PPP1R12B: variants seen among roughly 807,000 people sequenced by gnomAD.
PPP1R12B encodes the protein myosin phosphatase target subunit 2.
A neutral mutation model predicts 126.1 loss-of-function variants in PPP1R12B; 76 were observed. That is an observed-to-expected ratio of 0.60 (90% CI 0.50 to 0.73). The LOEUF (loss-of-function observed/expected upper bound fraction) is 0.73. Ranked by LOEUF, PPP1R12B falls within the 30% of genes least tolerant of loss-of-function variation. PPP1R12B has a pLI of 0.00. For missense variants in PPP1R12B, 1,052 were observed against 1,205.1 expected, an observed-to-expected ratio of 0.87 and a Z score of 1.88; for synonymous variants, 356 against 434.7, an observed-to-expected ratio of 0.82 and a Z score of 2.25.
chr1:202,462,876 A>AGCTT (rs766013418), intron 13 of PPP1R12B: 262 of 985,348 alleles, frequency 2.7e-4, no homozygotes, highest in Non-Finnish European at 3.0e-4. Flanking sequence ...TGTCTGAGAT[A>AGCTT]GCTTGACCTG....
chr1:202,374,269 C>A (rs534227807), intron 1 of PPP1R12B, among the ~76,000 whole-genome samples: 3 of 152,052 alleles, frequency 2.0e-5, no homozygotes, highest in Non-Finnish European at 2.9e-5. Flanking sequence ...GTCATTATGC[C>A]AGAAACCTAG....
At position 202,587,819 on chromosome 1, in the gene PPP1R12B, G is replaced by C. The variant is rs1385244377; in HGVS notation, c.*7259G>C. The C allele has an allele frequency of 6.6e-6, 1 of 152,156 alleles. No homozygotes were observed. The highest frequency in any genetic ancestry group is 1.5e-5 in the Non-Finnish European group (1 of 68,048). 9.4% of individuals were successfully genotyped at this position (152,156 alleles called of 1,614,324 possible). On this transcript the variant is annotated 3_prime_UTR_variant, in exon 24 of 24. Transcript: ENST00000608999. ...CTACTGAAACCCGGAACAGATTCCC[G>C]CTTGCCTTCTGATGAAGAGAGGTTA...
chr1:202,440,144 T>C (rs1671420630), intron 10 of PPP1R12B, among the ~76,000 whole-genome samples: 1 of 152,178 alleles, frequency 6.6e-6, no homozygotes, highest in Non-Finnish European at 1.5e-5. Flanking sequence ...CTTCACTTTT[T>C]AGTTCCAGAT....
chr1:202,452,062 C>G (rs1673034756), intron 13 of PPP1R12B, among the ~76,000 whole-genome samples: 1 of 151,696 alleles, frequency 6.6e-6, no homozygotes, highest in Admixed American at 6.6e-5. Flanking sequence ...CCTCACATCC[C>G]AGACGGGGCG....
rs548955935 is a variant in PPP1R12B, at chr1:202,438,077, A to C, written c.1458+53A>C. ...TCCAAGGCAGTTTTTTTTTTCCATG[A>C]AAATTCAATCTTAGGAACAAATGAA... On this transcript the variant is annotated intron_variant, in intron 10 of 23. Coordinates refer to ENST00000608999, the MANE Select transcript of PPP1R12B (RefSeq NM_002481.4). 200 of 1,602,886 alleles carry C rather than the reference A, an allele frequency of 1.2e-4. No homozygotes were observed. In the African/African-American group the frequency reaches 1.9e-3, roughly 15 times the overall value.
chr1:202,367,538 A>C (rs528987187), intron 1 of PPP1R12B, among the ~76,000 whole-genome samples: 1 of 152,134 alleles, frequency 6.6e-6, no homozygotes, highest in South Asian at 2.1e-4. Context: ...TTGTTTCTCA[A>C]AAACTCCAGT....
At chr1:202,414,678 A>G (rs1217407777) in intron 1 of PPP1R12B, among the ~76,000 whole-genome samples, 2 of 152,250 alleles carry the variant, frequency 1.3e-5, no homozygotes, top group East Asian at 1.9e-4. Flanking sequence ...CCGAATAATC[A>G]TAATTTGTTG....
At chr1:202,434,283 C>T (rs113820692) in intron 8 of PPP1R12B, among the ~76,000 whole-genome samples, 79 of 152,004 alleles carry the variant, frequency 5.2e-4, no homozygotes, top group East Asian at 2.3e-3. Context: ...CTGGGACTCC[C>T]CAGAGTAGTA....
intron 23 of PPP1R12B, among the ~76,000 whole-genome samples, chr1:202,579,006 C>A (rs1192217681): frequency 2.6e-5 from 4 of 152,180 alleles, no homozygotes; most frequent in African/African-American, 9.7e-5. Context: ...CTAGTTATGG[C>A]ACTTTTCATT....
chr1:202,527,595 G>A (rs2148930225), intron 18 of PPP1R12B, among the ~76,000 whole-genome samples: 1 of 152,194 alleles, frequency 6.6e-6, no homozygotes, highest in South Asian at 2.1e-4. Flanking sequence ...ACTCTTCTGG[G>A]AAAATATAAA....
intron 14 of PPP1R12B, 106 bp from the exon 15 acceptor site, chr1:202,493,008 T>C (rs1163189948): frequency 1.6e-6 from 2 of 1,218,674 alleles, no homozygotes; most frequent in East Asian, 2.4e-5. Flanking sequence ...AGGGGCTTCA[T>C]TTTGGGATTT....
At chr1:202,434,487 G>A (rs1379341284) in intron 8 of PPP1R12B, among the ~76,000 whole-genome samples, 169 bp from the exon 9 acceptor site, 2 of 152,136 alleles carry the variant, frequency 1.3e-5, no homozygotes, top group Non-Finnish European at 2.9e-5. Flanking sequence ...ATTTTTTTCT[G>A]CCAACAGTTG....
rs747226469 is a variant in PPP1R12B, at chr1:202,437,821, T to C, written c.1255T>C (p.Phe419Leu). 1 of 1,601,480 alleles carries C rather than the reference T, an allele frequency of 6.2e-7. No individual in the cohort carries two copies. Among genetic ancestry groups the C allele is most frequent in the Admixed American group, 1.7e-5 (1 of 58,382 alleles). ...TTTCTTTTATTTGCTTCTCTCATAG[T>C]TCTCTTCTGGCCTTTTTAACAAGCC... The part of the protein sequence containing the change: ...NTFSASSARR[F>L]SSGLFNKPEE... Residue 419 changes from phenylalanine (F) to leucine (L), a missense_variant and splice_region_variant, in exon 10 of 24, where the codon TTC becomes CTC. Coordinates refer to ENST00000608999, the MANE Select transcript of PPP1R12B (RefSeq NM_002481.4).
Position 202,487,257 on chromosome 1 carries a change from C to A in PPP1R12B, c.1851-1276C>A, listed in dbSNP as rs546729363. Among the ~76,000 whole-genome samples, 23 of 152,322 alleles carry A rather than the reference C, an allele frequency of 1.5e-4. No individual in the cohort carries two copies. In the South Asian group the frequency reaches 4.8e-3, roughly 32 times the overall value. On this transcript the variant is annotated intron_variant, in intron 13 of 23. Transcript: ENST00000608999. ...ACATACACTAATGATTAAAAAACAA[C>A]AACGAGAAACTCTCTTAGCCTATTT...
intron 13 of PPP1R12B, among the ~76,000 whole-genome samples, chr1:202,452,000 G>A (rs1673018237): frequency 6.6e-6 from 1 of 151,884 alleles, no homozygotes; most frequent in South Asian, 2.1e-4. Flanking sequence ...AGGGCGGCCG[G>A]GCAGAGACGC....
At chr1:202,528,027 C>G (rs551543994) in intron 18 of PPP1R12B, among the ~76,000 whole-genome samples, 6 of 152,280 alleles carry the variant, frequency 3.9e-5, no homozygotes, top group Admixed American at 3.9e-4. Context: ...CAGCTTTGCT[C>G]TTTGATTCCA....
intron 18 of PPP1R12B, among the ~76,000 whole-genome samples, chr1:202,538,436 C>G (rs1684774969): frequency 1.3e-5 from 2 of 152,206 alleles, no homozygotes; most frequent in Admixed American, 1.3e-4. Context: ...TTGTAAAACT[C>G]TTTTCAACCT....
intron 1 of PPP1R12B, among the ~76,000 whole-genome samples, chr1:202,370,349 T>G (rs1424458504): frequency 5.3e-5 from 8 of 152,226 alleles, no homozygotes; most frequent in Non-Finnish European, 1.0e-4. Flanking sequence ...TGAGTAGTAT[T>G]CCATTGTGTG....
chr1:202,473,677 T>C (rs751009839), intron 13 of PPP1R12B, among the ~76,000 whole-genome samples: 10 of 152,234 alleles, frequency 6.6e-5, no homozygotes, highest in Non-Finnish European at 1.5e-4. Context: ...TTTTGGGAAC[T>C]ATTAGCAGCA....
Sources: gnomAD v4.1 joint callset for allele counts (sites outside exome capture counted in the v4.1 genomes callset) on GRCh38, gnomAD v4.1.1 for gene constraint, MANE v1.5 for transcripts, NCBI Gene and HGNC (gene_info 2026-07-23, HGNC 2026-07-21) for gene names.